The following ZNF665 variants were observed in gnomAD, a reference collection of about 807,000 sequenced individuals.
ZNF665 encodes zinc finger protein 665.
Under a neutral mutation model 7.9 loss-of-function variants are expected in ZNF665, and 6 were observed. The ratio of observed to expected loss-of-function variants is 0.76; its 90% CI spans 0.42 to 1.50. The LOEUF is 1.50. Ranked by LOEUF, ZNF665 falls within the 40% of genes most tolerant of loss-of-function variation. ZNF665 has a pLI of 0.01. For synonymous variants in ZNF665, 242 were observed against 274.5 expected, an observed-to-expected ratio of 0.88 and a Z score of 1.17; for missense variants, 819 against 806.7, an observed-to-expected ratio of 1.02 and a Z score of -0.18.
chr19:53,166,677 C>A (rs2090618127), intron 3 of ZNF665, among the ~76,000 whole-genome samples: 1 of 152,070 alleles, frequency 6.6e-6, no homozygotes, highest in African/African-American at 2.4e-5. Context: ...ATATGGCTGT[C>A]ACAGAATTCA....
chr19:53,192,944 G>A (rs1227682661), intron 1 of ZNF665, among the ~76,000 whole-genome samples: 2 of 152,178 alleles, frequency 1.3e-5, no homozygotes, highest in Non-Finnish European at 2.9e-5. Context: ...GCCTCCCCGG[G>A]ACTGGGGCTG....
Position 53,175,406 on chromosome 19 carries a change from GA to G in ZNF665, c.142+38del, listed in dbSNP as rs2090689163. The G allele has an allele frequency of 2.5e-6, 4 of 1,592,290 alleles. No individual in the cohort carries two copies. The Admixed American group carries it at 7.3e-5, about 29-fold the overall frequency. ...CACAAGGGAAAATGAAAACATACAC[GA>G]GAACAGACCCTGACTTCTAAAAGAA... is the stretch of plus-strand genomic sequence containing the variant. On this transcript the variant is annotated intron_variant, in intron 3 of 3. Coordinates refer to ENST00000396424, the MANE Select transcript of ZNF665 (RefSeq NM_024733.5).
Position 53,162,569 on chromosome 19 carries a change from G to A in ZNF665, c.*1884C>T, listed in dbSNP as rs1599865550. 6.6e-6 allele frequency: 1 copy of A among 152,024 alleles called. No individual in the cohort carries two copies. Among genetic ancestry groups the A allele is most frequent in the South Asian group, 2.1e-4 (1 of 4,814 alleles). The allele number at this position is 152,024 out of a possible 1,614,324, so 9.4% of individuals were successfully genotyped here. A position where few individuals can be genotyped will look rare whatever the true frequency, so the allele number is the denominator to read the frequency against. ...TACTTTGATTAAACTTCTTATGCTC[G>A]GCCGGCCGGGCACGGTGGCTCCAGC... On this transcript the variant is annotated 3_prime_UTR_variant, in exon 4 of 4. Transcript: ENST00000396424.
In ZNF665 at chr19:53,189,051, C is replaced by CTG. The variant is rs60689265; in HGVS notation, c.-46+4259_-46+4260dup. 7.9e-3 allele frequency among the ~76,000 whole-genome samples: 1,086 copies of CTG among 137,734 alleles called. 7 individuals carry two copies. The highest frequency in any genetic ancestry group is 0.013 in the Admixed American group (179 of 14,036). The allele number at this position is 137,734 out of a possible 152,430, so 90.4% of individuals were successfully genotyped here. On this transcript the variant is annotated intron_variant, in intron 1 of 3. Transcript: ENST00000396424. The stretch of plus-strand genomic sequence containing the variant: ...AGATGAGAAAGAAAGGCTTTATTTT[C>CTG]TGTGTGTGTGTGTGTGTGTGTGTGT...
At chr19:53,172,018 T>C (rs139883652) in intron 3 of ZNF665, among the ~76,000 whole-genome samples, 13 of 152,180 alleles carry the variant, frequency 8.5e-5, no homozygotes, top group African/African-American at 2.6e-4. Flanking sequence ...CCTCCCAAAG[T>C]GCTGGGATTA....
rs2090604432 is a variant in ZNF665 at position 53,165,524 on chromosome 19, C to G, written c.966G>C (p.Glu322Asp). 6.2e-7 allele frequency: 1 copy of G among 1,613,964 alleles called. No homozygotes were observed. The change falls in exon 4 of 4, where the codon GAG (glutamate) becomes GAC (aspartate). Residue 322 changes from glutamate (E) to aspartate (D), a missense_variant. By Grantham distance (45) the Glu-to-Asp change is conservative. Transcript: ENST00000396424. ...AGCGAACACTAAAGGCTTTGCCACA[C>G]TCATTACACTTGTAAGGCTTCTCCC... ...HTGEKPYKCN[E>D]CGKAFSVRSS...
In ZNF665 at chr19:53,165,729, C is replaced by T. The variant is rs746630449; in HGVS notation, c.761G>A (p.Arg254Lys). Reference protein sequence around the residue: ...SQPSNLAGHQRIHTGEKPYKC... With the variant: ...SQPSNLAGHQKIHTGEKPYKC... ...GTAAGGTTTCTCTCCAGTATGAATT[C>T]TCTGATGACCTGCAAGGTTTGAAGG... The change falls in exon 4 of 4, where the codon AGA (arginine) becomes AAA (lysine). Residue 254 changes from arginine to lysine, a missense_variant. Transcript: ENST00000396424. 2.5e-6 allele frequency: 4 copies of T among 1,614,072 alleles called. No homozygotes were observed. The highest frequency in any genetic ancestry group is 1.7e-5 in the Admixed American group (1 of 60,004).
rs1298879334 is a variant in ZNF665 at position 53,166,103 on chromosome 19, T to C, written c.387A>G (p.Arg129=). 2 of 1,614,016 alleles carry C rather than the reference T, an allele frequency of 1.2e-6. No homozygotes were observed. Among genetic ancestry groups the C allele is most frequent in the Non-Finnish European group, 1.7e-6 (2 of 1,179,898 alleles). The change falls in exon 4 of 4, where the codon AGA becomes AGG. Residue 129 remains arginine (R), a synonymous_variant. Coordinates refer to ENST00000396424, the MANE Select transcript of ZNF665 (RefSeq NM_024733.5). ...NLPGRRAQRD[R]RAAGNRHIEN... ...CAATATGCCTGTTTCCTGCAGCCCT[T>C]CTATCACGTTGAGCTCTTCTACCAG...
At chr19:53,183,953 T>G (rs986132059) in intron 1 of ZNF665, among the ~76,000 whole-genome samples, 8 of 152,086 alleles carry the variant, frequency 5.3e-5, no homozygotes, top group Non-Finnish European at 1.2e-4. Context: ...CTCCCACACC[T>G]CCAAAGAATG....
Position 53,164,588 on chromosome 19 carries a change from G to A in ZNF665, c.1902C>T (p.Ala634=). Residue 634 remains alanine (A), a synonymous_variant, in exon 4 of 4, where the codon GCC becomes GCT. Coordinates refer to ENST00000396424, the MANE Select transcript of ZNF665 (RefSeq NM_024733.5). ...KPYRCNECGK[A]FSVRSTLTTH... is the part of the protein sequence containing the mutation. ...TAGTTAGGGTTGAACGAACACTGAA[G>A]GCTTTCCCACACTCATTACACCTAT... is the stretch of plus-strand genomic sequence containing the variant. 2 of 1,614,038 alleles carry A rather than the reference G, an allele frequency of 1.2e-6. No individual in the cohort carries two copies. The highest frequency in any genetic ancestry group is 1.7e-6 in the Non-Finnish European group (2 of 1,179,978).
intron 2 of ZNF665, among the ~76,000 whole-genome samples, chr19:53,179,338 T>C (rs1050649128): frequency 5.3e-4 from 67 of 125,520 alleles, no homozygotes; most frequent in African/African-American, 2.0e-3. Flanking sequence ...ATCGCACCAC[T>C]GCACTCCAGC....
At chr19:53,173,732 T>G (rs749840051) in intron 3 of ZNF665, among the ~76,000 whole-genome samples, 4 of 152,122 alleles carry the variant, frequency 2.6e-5, no homozygotes, top group Non-Finnish European at 5.9e-5. Context: ...GGAAGTACTA[T>G]CCTGTTTTAA....
chr19:53,164,363 C>T lies in ZNF665; in HGVS notation c.*90G>A, dbSNP rs974161961. On this transcript the variant is annotated 3_prime_UTR_variant, in exon 4 of 4. Transcript: ENST00000396424. Reference sequence around the variant, plus strand: ...GTGTTGGCCAGCCTGGTCTCGAACTCGAGACCTCAGGTGATCCCCCCGCCT... The same window carrying T: ...GTGTTGGCCAGCCTGGTCTCGAACTTGAGACCTCAGGTGATCCCCCCGCCT... 2.6e-5 allele frequency: 28 copies of T among 1,071,160 alleles called. No homozygotes were observed. Among genetic ancestry groups the T allele is most frequent in the Admixed American group, 1.8e-4 (6 of 33,692 alleles). The allele number at this position is 1,071,160 out of a possible 1,614,324, so 66.4% of individuals were successfully genotyped here. A position where few individuals can be genotyped will look rare whatever the true frequency, so the allele number is the denominator to read the frequency against.
At chr19:53,175,130 T>C (rs941710739) in intron 3 of ZNF665, among the ~76,000 whole-genome samples, 1 of 152,150 alleles carries the variant, frequency 6.6e-6, no homozygotes, top group Non-Finnish European at 1.5e-5. Flanking sequence ...AACACCACAC[T>C]ACGCAGATAT....
chr19:53,173,609 G>A lies in ZNF665; in HGVS notation c.142+1836C>T, dbSNP rs577570205. ...AGGCTGGTCTCAAACTCCTGAGCTC[G>A]TGATCCACCCACCTCAGCCTCCCAA... is the stretch of plus-strand genomic sequence containing the variant. On this transcript the variant is annotated intron_variant, in intron 3 of 3. Coordinates refer to ENST00000396424, the MANE Select transcript of ZNF665 (RefSeq NM_024733.5). Among the ~76,000 whole-genome samples, 9 of 152,020 alleles carry A rather than the reference G, an allele frequency of 5.9e-5. No individual in the cohort carries two copies. The East Asian group carries it at 1.4e-3, about 23-fold the overall frequency.
Position 53,181,114 on chromosome 19 carries a change from A to G in ZNF665, c.15+1770T>C, listed in dbSNP as rs956569434. 1.1e-4 allele frequency: 17 copies of G among 152,326 alleles called. 1 individual carries two copies. The East Asian group carries it at 2.7e-3, about 24-fold the overall frequency. 9.4% of individuals were successfully genotyped at this position (152,326 alleles called of 1,614,324 possible). A position where few individuals can be genotyped will look rare whatever the true frequency, so the allele number is the denominator to read the frequency against. ...AAGCAGTAAATGCTGGATGCATTTG[A>G]TCTAAATTAAAATGGAGAAAATGGG... On this transcript the variant is annotated intron_variant, in intron 2 of 3. Coordinates refer to ENST00000396424, the MANE Select transcript of ZNF665 (RefSeq NM_024733.5).
intron 3 of ZNF665, among the ~76,000 whole-genome samples, chr19:53,171,287 GA>G (rs1456664204): frequency 2.6e-5 from 4 of 151,740 alleles, no homozygotes; most frequent in African/African-American, 9.7e-5. Context: ...CATGCGGCAA[GA>G]GATCACTTTT....
At chr19:53,173,357 A>AT (rs34806173) in intron 3 of ZNF665, among the ~76,000 whole-genome samples, 304 of 99,612 alleles carry the variant, frequency 3.1e-3, no homozygotes, top group Middle Eastern at 0.013. Flanking sequence ...TATATCCATC[A>AT]TTTTTTTTTT....
At position 53,193,036 on chromosome 19, in the gene ZNF665, A is replaced by C. The variant is rs576029563; in HGVS notation, c.-46+276T>G. Reference sequence around the variant, plus strand: ...CACCCACTTCGCAGATGAGGACTTCACAGGGCGCAGGTCAGTAAAGGGTTT... The same window carrying C: ...CACCCACTTCGCAGATGAGGACTTCCCAGGGCGCAGGTCAGTAAAGGGTTT... On this transcript the variant is annotated intron_variant, in intron 1 of 3. Transcript: ENST00000396424. Among the ~76,000 whole-genome samples, 9 of 152,270 alleles carry C rather than the reference A, an allele frequency of 5.9e-5. No individual in the cohort carries two copies. In the South Asian group the frequency reaches 1.0e-3, roughly 18 times the overall value.
Sources: allele counts gnomAD v4.1 joint callset (sites outside exome capture counted in the v4.1 genomes callset), GRCh38; gene constraint gnomAD v4.1.1; transcripts MANE v1.5; gene names NCBI Gene and HGNC (gene_info 2026-07-23, HGNC 2026-07-21).